The following UFSP2 variants were observed in gnomAD, a reference collection of about 807,000 sequenced individuals.
UFSP2 encodes ufm1-specific protease 2.
UFSP2 carries 43 observed loss-of-function variants against 60.2 expected under a neutral mutation model. The observed-to-expected ratio is 0.71, with a 90% CI of 0.56 to 0.92. UFSP2 has a LOEUF of 0.92. UFSP2 is among the 40% of genes least tolerant of loss of function. The pLI is 0.00. For missense variants in UFSP2, 520 were observed against 575.0 expected (o/e 0.90, Z 0.98); for synonymous variants, 183 against 195.1 (o/e 0.94, Z 0.52).
chr4:185,425,698 C>A (rs1396358760), intron 1 of UFSP2, among the ~76,000 whole-genome samples, 168 bp downstream of exon 1: 1 of 152,090 alleles, frequency 6.6e-6, no homozygotes, highest in Admixed American at 6.5e-5. Flanking sequence ...TCCCCCCGGC[C>A]CAGCGCGGAG....
At chr4:185,407,017 CTTTT>C (rs34710879) in intron 9 of UFSP2, among the ~76,000 whole-genome samples, 11,721 of 99,224 alleles carry the variant, frequency 0.12, 860 homozygotes, top group African/African-American at 0.25. Flanking sequence ...TTTGGCTTTT[CTTTT>C]TTTTTTTTTT....
chr4:185,407,209 C>T (rs2095522152), intron 9 of UFSP2, among the ~76,000 whole-genome samples: 1 of 151,464 alleles, frequency 6.6e-6, no homozygotes, highest in Non-Finnish European at 1.5e-5. Context: ...CGCCACCATA[C>T]CCAGCTAATT....
Position 185,403,398 on chromosome 4 carries a change from C to T in UFSP2, c.1323+96G>A, listed in dbSNP as rs143574108. ...GGCCTCCACACAGGGAGATCTCTGC[C>T]CTCAGCTTATTGTCTTTCTGTTACC... On this transcript the variant is annotated intron_variant, in intron 11 of 11. Coordinates refer to ENST00000264689, the MANE Select transcript of UFSP2 (RefSeq NM_018359.5). 1,540 of 1,486,582 alleles carry T rather than the reference C, an allele frequency of 1.0e-3. 13 individuals carry two copies. The African/African-American group carries it at 0.017, about 17-fold the overall frequency. The allele number at this position is 1,486,582 out of a possible 1,614,324, so 92.1% of individuals were successfully genotyped here. A position where few individuals can be genotyped will look rare whatever the true frequency, so the allele number is the denominator to read the frequency against.
chr4:185,407,056 G>GT (rs200789059), intron 9 of UFSP2, among the ~76,000 whole-genome samples: 15,057 of 51,886 alleles, frequency 0.29, 1,394 homozygotes, highest in African/African-American at 0.38. Flanking sequence ...GTATTTTTCT[G>GT]TTTTTTTTTT....
chr4:185,414,922 C>T (rs1035083498), intron 6 of UFSP2, among the ~76,000 whole-genome samples: 1 of 152,058 alleles, frequency 6.6e-6, no homozygotes, highest in Non-Finnish European at 1.5e-5. Context: ...ATGAACCACA[C>T]CGAGCATTTA....
In UFSP2 at chr4:185,404,658, C is replaced by T. The variant is rs138535554; in HGVS notation, c.1199-1040G>A. Among the ~76,000 whole-genome samples, 9 of 151,920 alleles carry T rather than the reference C, an allele frequency of 5.9e-5. No individual in the cohort carries two copies. In the East Asian group the frequency reaches 1.6e-3, roughly 26 times the overall value. On this transcript the variant is annotated intron_variant, in intron 10 of 11. Coordinates refer to ENST00000264689, the MANE Select transcript of UFSP2 (RefSeq NM_018359.5). ...GCTGGAGTACAGTGGGCAATCCCGG[C>T]TCACTGCAACCTCCACCTCACAGCT... is the stretch of plus-strand genomic sequence containing the variant.
At chr4:185,419,616 C>A (rs1372202352) in intron 2 of UFSP2, among the ~76,000 whole-genome samples, 2 of 152,194 alleles carry the variant, frequency 1.3e-5, no homozygotes, top group African/African-American at 2.4e-5. Context: ...CAATTATTAA[C>A]CTACTTTTTT....
intron 10 of UFSP2, among the ~76,000 whole-genome samples, chr4:185,405,371 A>G (rs1013888466): frequency 1.3e-5 from 2 of 152,208 alleles, no homozygotes; most frequent in Non-Finnish European, 2.9e-5. Flanking sequence ...TCTTCAAAGA[A>G]TTAAGCATCT....
At chr4:185,410,945 C>CAAAA (rs374020176) in intron 7 of UFSP2, among the ~76,000 whole-genome samples, 5 of 113,910 alleles carry the variant, frequency 4.4e-5, no homozygotes, top group East Asian at 2.4e-4. Context: ...GACTCCATCT[C>CAAAA]AAAAAAAAAA....
chr4:185,412,915 C>T (rs184383315), intron 7 of UFSP2, among the ~76,000 whole-genome samples: 104 of 152,224 alleles, frequency 6.8e-4, no homozygotes, highest in African/African-American at 2.0e-3. Context: ...CACCACCCTC[C>T]GCCAATTCAC....
intron 7 of UFSP2, among the ~76,000 whole-genome samples, chr4:185,413,323 G>A (rs988598568): frequency 2.0e-5 from 3 of 152,158 alleles, no homozygotes; most frequent in Non-Finnish European, 4.4e-5. Context: ...AGGAGGCGGA[G>A]GTTGCAGTGA....
At chr4:185,411,904 C>T (rs915081219) in intron 7 of UFSP2, among the ~76,000 whole-genome samples, 1 of 152,124 alleles carries the variant, frequency 6.6e-6, no homozygotes, top group Non-Finnish European at 1.5e-5. Flanking sequence ...AAACTCAGAA[C>T]TATGCAATAC....
In UFSP2 at chr4:185,399,828, T is replaced by C. The variant is rs2095511062; in HGVS notation, c.*564A>G. ...CTCCCGCAGTGATCTCTTGTTTGCA[T>C]AGCATTTATTATTCCATTTAATACT... On this transcript the variant is annotated 3_prime_UTR_variant, in exon 12 of 12. Transcript: ENST00000264689. 1.2e-6 allele frequency: 2 copies of C among 1,603,980 alleles called. No homozygotes were observed. Among genetic ancestry groups the C allele is most frequent in the Non-Finnish European group, 8.5e-7 (1 of 1,174,636 alleles).
chr4:185,400,603 G>A (rs901555176), intron 11 of UFSP2, 125 bp from the exon 12 acceptor site: 1 of 571,974 alleles, frequency 1.7e-6, no homozygotes, highest in Non-Finnish European at 3.0e-6. Context: ...TATCATTCAA[G>A]GATTTGAATT....
chr4:185,413,134 G>C (rs146723022), intron 7 of UFSP2, among the ~76,000 whole-genome samples: 2 of 152,108 alleles, frequency 1.3e-5, no homozygotes, highest in African/African-American at 2.4e-5. Context: ...GTGAAATCCT[G>C]TCTCTACTAA....
rs759015899 is a variant in UFSP2 at position 185,403,520 on chromosome 4, C to T, written c.1297G>A (p.Glu433Lys). 6 of 1,613,952 alleles carry T rather than the reference C, an allele frequency of 3.7e-6. No individual in the cohort carries two copies. The highest frequency in any genetic ancestry group is 1.1e-5 in the South Asian group (1 of 91,040). ...TTTTCCAAAATAACTTGCAGGTCTT[C>T]AGCACCGGTATAATGTGGATCTAGA... is the stretch of plus-strand genomic sequence containing the variant. ...LILDPHYTGA[E>K]DLQVILEKGW... is the part of the protein sequence containing the mutation. Residue 433 changes from glutamate to lysine, a missense_variant, in exon 11 of 12, where the codon GAA (glutamate) becomes AAA (lysine). Physicochemically the swap from Glu to Lys is moderately conservative, Grantham distance 56. Coordinates refer to ENST00000264689, the MANE Select transcript of UFSP2 (RefSeq NM_018359.5).
chr4:185,405,736 G>C, intron 10 of UFSP2, 44 bp downstream of exon 10: 1 of 1,569,998 alleles, frequency 6.4e-7, no homozygotes, highest in Non-Finnish European at 8.7e-7. Context: ...GATAAGTTTT[G>C]CATATTACTC....
At chr4:185,417,040 G>A (rs924741836) in intron 4 of UFSP2, among the ~76,000 whole-genome samples, 1 of 152,106 alleles carries the variant, frequency 6.6e-6, no homozygotes, top group South Asian at 2.1e-4. Flanking sequence ...AATTATAAGG[G>A]AAAAAATAGT....
intron 1 of UFSP2, 145 bp downstream of exon 1, chr4:185,425,721 G>A: frequency 7.9e-7 from 1 of 1,266,348 alleles, no homozygotes; most frequent in African/African-American, 1.5e-5. Flanking sequence ...AGGCGAACTG[G>A]AGAGCCGCCC....
Sources: gnomAD v4.1 joint callset for allele counts (sites outside exome capture counted in the v4.1 genomes callset) on GRCh38, gnomAD v4.1.1 for gene constraint, MANE v1.5 for transcripts, NCBI Gene and HGNC (gene_info 2026-07-23, HGNC 2026-07-21) for gene names.